The following KLHL1 variants were observed in gnomAD, a reference collection of about 807,000 sequenced individuals.
KLHL1 encodes the protein kelch-like protein 1.
KLHL1 carries 47 observed loss-of-function variants against 77.7 expected under a neutral mutation model. The observed-to-expected ratio is 0.60, with a 90% CI of 0.48 to 0.77. KLHL1 has a LOEUF of 0.77. Ranked by LOEUF, KLHL1 falls within the 30% of genes least tolerant of loss-of-function variation. The pLI is 0.00. For missense variants in KLHL1, 925 were observed against 910.8 expected, an observed-to-expected ratio of 1.02 and a Z score of -0.20; for synonymous variants, 360 against 325.2, an observed-to-expected ratio of 1.11 and a Z score of -1.15.
chr13:70,005,060 T>C (rs1885375584), intron 1 of KLHL1, among the ~76,000 whole-genome samples: 1 of 151,934 alleles, frequency 6.6e-6, no homozygotes, highest in Non-Finnish European at 1.5e-5. Context: ...CAGGTTTTTG[T>C]ATTGCAAAAT....
intron 1 of KLHL1, among the ~76,000 whole-genome samples, chr13:70,072,182 A>G (rs1180362287): frequency 3.9e-5 from 6 of 152,090 alleles, no homozygotes; most frequent in Non-Finnish European, 7.4e-5. Flanking sequence ...CTCTGCCCAC[A>G]AATTTGGTAA....
At chr13:69,982,157 T>TA (rs1884727972) in intron 1 of KLHL1, among the ~76,000 whole-genome samples, 1 of 151,784 alleles carries the variant, frequency 6.6e-6, no homozygotes, top group African/African-American at 2.4e-5. Context: ...ACATTAAAAA[T>TA]AAAAAGTGGC....
At chr13:69,789,049 ATCTATCTATCTATCT>A (rs1356266669) in intron 7 of KLHL1, among the ~76,000 whole-genome samples, 1 of 151,726 alleles carries the variant, frequency 6.6e-6, no homozygotes, top group Non-Finnish European at 1.5e-5. Context: ...CTATCTATCT[ATCTATCTATCTATCT>A]ACTTATTTAC....
intron 1 of KLHL1, among the ~76,000 whole-genome samples, chr13:70,071,820 A>G (rs1373922624): frequency 6.6e-6 from 1 of 152,096 alleles, no homozygotes; most frequent in Non-Finnish European, 1.5e-5. Context: ...TGTTCAAAGC[A>G]TGGAATACAG....
intron 6 of KLHL1, among the ~76,000 whole-genome samples, chr13:69,813,118 T>G (rs1233163790): frequency 2.0e-5 from 3 of 151,954 alleles, no homozygotes; most frequent in Non-Finnish European, 4.4e-5. Flanking sequence ...ATGTGGCACA[T>G]ATACACCATG....
intron 1 of KLHL1, among the ~76,000 whole-genome samples, chr13:70,088,477 C>A (rs553813375): frequency 6.6e-6 from 1 of 152,194 alleles, no homozygotes; most frequent in East Asian, 1.9e-4. Context: ...GTCAGGAGTT[C>A]AAGACCAACC....
chr13:69,883,643 A>G (rs1388251312), intron 4 of KLHL1, among the ~76,000 whole-genome samples: 2 of 152,346 alleles, frequency 1.3e-5, no homozygotes, highest in East Asian at 3.9e-4. Context: ...TCCTGACACA[A>G]AGCCTGGAAA....
At chr13:69,732,486 A>G (rs1238634192) in intron 8 of KLHL1, among the ~76,000 whole-genome samples, 1 of 152,050 alleles carries the variant, frequency 6.6e-6, no homozygotes, top group Admixed American at 6.6e-5. Context: ...GTTGTCTCTC[A>G]GGTCTACATC....
intron 5 of KLHL1, among the ~76,000 whole-genome samples, chr13:69,849,226 C>A (rs1879590752): frequency 6.6e-6 from 1 of 151,502 alleles, no homozygotes; most frequent in Non-Finnish European, 1.5e-5. Context: ...TCTCTCTGTT[C>A]CCCTAAAACA....
chr13:69,885,424 A>AT (rs59491613), intron 4 of KLHL1, among the ~76,000 whole-genome samples: 22 of 148,896 alleles, frequency 1.5e-4, no homozygotes, highest in South Asian at 6.3e-4. Flanking sequence ...TGTAGGTGTT[A>AT]TTTTTTTTTT....
At chr13:69,718,704 T>C (rs1872888373) in intron 9 of KLHL1, among the ~76,000 whole-genome samples, 1 of 152,098 alleles carries the variant, frequency 6.6e-6, no homozygotes. Context: ...CAAAGAGAAC[T>C]CAGCGATACC....
intron 2 of KLHL1, among the ~76,000 whole-genome samples, chr13:69,963,402 CAT>C (rs1475934910): frequency 1.1e-4 from 16 of 152,108 alleles, no homozygotes; most frequent in African/African-American, 3.1e-4. Flanking sequence ...TGTATGCACA[CAT>C]ATGTGTGTTT....
chr13:69,738,952 A>C (rs960461280), intron 8 of KLHL1, among the ~76,000 whole-genome samples: 1 of 152,172 alleles, frequency 6.6e-6, no homozygotes. Flanking sequence ...CATAATCATC[A>C]GATTCGCCAA....
intron 6 of KLHL1, among the ~76,000 whole-genome samples, chr13:69,836,420 G>C (rs1298306586): frequency 1.3e-5 from 2 of 152,028 alleles, no homozygotes; most frequent in African/African-American, 4.8e-5. Context: ...TAGTTGTAAG[G>C]CATAGATTTA....
chr13:69,932,384 A>C (rs1883030295), intron 4 of KLHL1, among the ~76,000 whole-genome samples: 1 of 151,776 alleles, frequency 6.6e-6, no homozygotes, highest in South Asian at 2.1e-4. Context: ...CGACCCTGGA[A>C]GACCCTGACA....
intron 1 of KLHL1, among the ~76,000 whole-genome samples, 173 bp from the exon 2 acceptor site, chr13:69,975,975 G>C (rs1405271445): frequency 6.6e-6 from 1 of 152,068 alleles, no homozygotes; most frequent in African/African-American, 2.4e-5. Context: ...ATAATCTATT[G>C]TGGGATAAGT....
intron 1 of KLHL1, among the ~76,000 whole-genome samples, chr13:70,057,469 C>CAAAAAAAA (rs56235725): frequency 1.7e-4 from 15 of 87,090 alleles, no homozygotes; most frequent in African/African-American, 6.0e-4. Flanking sequence ...AAAGACACAT[C>CAAAAAAAA]AAAAAAAAAA....
chr13:70,013,273 T>G (rs1885580828), intron 1 of KLHL1, among the ~76,000 whole-genome samples: 1 of 151,952 alleles, frequency 6.6e-6, no homozygotes, highest in African/African-American at 2.4e-5. Context: ...CAAAAACACT[T>G]CCAACAAAAA....
chr13:69,758,293 T>A (rs533112361), intron 7 of KLHL1, among the ~76,000 whole-genome samples: 69 of 152,242 alleles, frequency 4.5e-4, no homozygotes, highest in African/African-American at 1.5e-3. Flanking sequence ...ATTTTAATAA[T>A]CCTATAAACC....
Sources: gnomAD v4.1 joint callset for allele counts (sites outside exome capture counted in the v4.1 genomes callset) on GRCh38, gnomAD v4.1.1 for gene constraint, MANE v1.5 for transcripts, NCBI Gene and HGNC (gene_info 2026-07-23, HGNC 2026-07-21) for gene names.